The following CTNND2 variants were observed in gnomAD, a reference collection of about 807,000 sequenced individuals.
The protein encoded by CTNND2 is catenin delta-2.
A neutral mutation model predicts 144.4 loss-of-function variants in CTNND2; 22 were observed. That is an observed-to-expected ratio of 0.15 (90% CI 0.11 to 0.22). The LOEUF (loss-of-function observed/expected upper bound fraction) is 0.22, where lower values mean the gene tolerates loss of function less well. Among genes scored for constraint, CTNND2 ranks in the 10% least tolerant of loss-of-function variants. The pLI is 1.00. For synonymous variants in CTNND2, 751 were observed against 695.6 expected, an observed-to-expected ratio of 1.08 and a Z score of -1.25; for missense variants, 1,353 against 1,618.8, an observed-to-expected ratio of 0.84 and a Z score of 2.82.
intron 3 of CTNND2, among the ~76,000 whole-genome samples, chr5:11,480,507 C>T (rs905980377): frequency 6.6e-6 from 1 of 152,172 alleles, no homozygotes; most frequent in Non-Finnish European, 1.5e-5. Context: ...ACACAGATAA[C>T]TCCCTTCAAA....
At chr5:11,381,739 G>A (rs868429779) in intron 7 of CTNND2, among the ~76,000 whole-genome samples, 17 of 152,078 alleles carry the variant, frequency 1.1e-4, no homozygotes, top group Non-Finnish European at 2.1e-4. Flanking sequence ...AGGCCGAGGC[G>A]GGCAGATCAC....
intron 3 of CTNND2, among the ~76,000 whole-genome samples, chr5:11,541,055 CG>C (rs1404012210): frequency 2.0e-5 from 3 of 152,096 alleles, no homozygotes; most frequent in Non-Finnish European, 4.4e-5. Flanking sequence ...ATCCAAAGCC[CG>C]GGATGCACAG....
chr5:11,524,248 G>C (rs954745693), intron 3 of CTNND2, among the ~76,000 whole-genome samples: 1 of 152,128 alleles, frequency 6.6e-6, no homozygotes, highest in Admixed American at 6.5e-5. Context: ...TCAAGACAGC[G>C]TGTGCCCTTT....
intron 1 of CTNND2, among the ~76,000 whole-genome samples, chr5:11,810,993 T>C (rs1433343027): frequency 6.6e-6 from 1 of 152,184 alleles, no homozygotes; most frequent in East Asian, 1.9e-4. Flanking sequence ...TAGACATACT[T>C]ATTCCACATT....
intron 3 of CTNND2, among the ~76,000 whole-genome samples, chr5:11,435,960 G>A (rs751732479): frequency 1.3e-4 from 20 of 152,116 alleles, no homozygotes; most frequent in African/African-American, 2.7e-4. Context: ...GTATAATGGC[G>A]AAGATAAAAT....
chr5:11,618,099 T>A (rs75851623), intron 2 of CTNND2, among the ~76,000 whole-genome samples: 6 of 152,042 alleles, frequency 3.9e-5, no homozygotes, highest in Admixed American at 6.6e-5. Context: ...TTTTTTTTTT[T>A]AATACCATTC....
intron 12 of CTNND2, among the ~76,000 whole-genome samples, chr5:11,141,805 T>C (rs1046790243): frequency 6.6e-6 from 1 of 152,212 alleles, no homozygotes; most frequent in African/African-American, 2.4e-5. Flanking sequence ...TCTTTGCCTG[T>C]TGCTATAGTT....
intron 3 of CTNND2, among the ~76,000 whole-genome samples, chr5:11,458,945 T>C (rs1478056474): frequency 6.6e-6 from 1 of 151,734 alleles, no homozygotes; most frequent in Non-Finnish European, 1.5e-5. Context: ...TCTTTTTTTT[T>C]TTTTGGTAGA....
intron 2 of CTNND2, among the ~76,000 whole-genome samples, chr5:11,590,815 A>G (rs1405339144): frequency 6.6e-6 from 1 of 152,202 alleles, no homozygotes; most frequent in Non-Finnish European, 1.5e-5. Context: ...CTATAAACTA[A>G]TGATAATCCC....
intron 2 of CTNND2, among the ~76,000 whole-genome samples, chr5:11,729,232 T>C (rs1033621349): frequency 2.0e-5 from 3 of 151,186 alleles, no homozygotes; most frequent in Admixed American, 6.6e-5. Context: ...AAATGAATAA[T>C]ACATTTTTTA....
chr5:11,156,958 G>T (rs1003290903), intron 12 of CTNND2, among the ~76,000 whole-genome samples: 1 of 152,156 alleles, frequency 6.6e-6, no homozygotes, highest in South Asian at 2.1e-4. Flanking sequence ...GCAGGTGGTG[G>T]TTGTGTATTG....
intron 16 of CTNND2, among the ~76,000 whole-genome samples, chr5:11,063,612 T>C (rs1408896649): frequency 6.6e-6 from 1 of 152,148 alleles, no homozygotes; most frequent in Non-Finnish European, 1.5e-5. Context: ...AGGAATGACG[T>C]AGAATTTCTA....
intron 3 of CTNND2, among the ~76,000 whole-genome samples, chr5:11,454,341 A>C (rs1165928636): frequency 6.6e-6 from 1 of 151,904 alleles, no homozygotes; most frequent in African/African-American, 2.4e-5. Flanking sequence ...AATCGCTTGA[A>C]CCCGGGAGGC....
chr5:11,485,382 C>T (rs42359), intron 3 of CTNND2, among the ~76,000 whole-genome samples: 24,714 of 143,186 alleles, frequency 0.17, 2,354 homozygotes, highest in African/African-American at 0.32. Flanking sequence ...TGTGCGCGCG[C>T]GCGCGTGCGC....
chr5:11,113,911 A>C (rs1580324503), intron 13 of CTNND2, among the ~76,000 whole-genome samples: 1 of 152,206 alleles, frequency 6.6e-6, no homozygotes, highest in Non-Finnish European at 1.5e-5. Context: ...AAAACTTACG[A>C]GGAAAACCAG....
At chr5:11,382,837 A>G (rs1264893274) in intron 7 of CTNND2, among the ~76,000 whole-genome samples, 1 of 152,122 alleles carries the variant, frequency 6.6e-6, no homozygotes, top group Admixed American at 6.5e-5. Flanking sequence ...CAAGCACACG[A>G]AATCAGGCAT....
chr5:11,117,657 A>G (rs1386270409), intron 12 of CTNND2, 90 bp from the exon 13 acceptor site: 1 of 1,012,964 alleles, frequency 9.9e-7, no homozygotes, highest in Non-Finnish European at 1.5e-6. Context: ...GTTTGAAAGT[A>G]AATGCATTTT....
chr5:11,654,382 A>G (rs1782804316), intron 2 of CTNND2, among the ~76,000 whole-genome samples: 1 of 151,978 alleles, frequency 6.6e-6, no homozygotes, highest in Admixed American at 6.6e-5. Flanking sequence ...TTATCTCTCA[A>G]TTTGTGTCAT....
chr5:11,110,888 C>T lies in CTNND2; in HGVS notation c.2433G>A (p.Lys811=). 6.2e-7 allele frequency: 1 copy of T among 1,613,542 alleles called. No homozygotes were observed. The change falls in exon 14 of 22, where the codon AAG becomes AAA. Residue 811 remains lysine, a synonymous_variant. Transcript: ENST00000304623. ...KDAESSGCWG[K]KKKKKKSQDQ... ...CTTGGGATTTCTTTTTCTTCTTCTTCTTGCCCCAGCACCCAGAGCTCTCAG... is the reference window on the plus strand; with the variant it reads ...CTTGGGATTTCTTTTTCTTCTTCTTTTTGCCCCAGCACCCAGAGCTCTCAG...
Sources: allele counts gnomAD v4.1 joint callset (sites outside exome capture counted in the v4.1 genomes callset), GRCh38; gene constraint gnomAD v4.1.1; transcripts MANE v1.5; gene names NCBI Gene and HGNC (gene_info 2026-07-23, HGNC 2026-07-21).